Variants in NRXN3 observed in about 807,000 individuals in gnomAD.
The protein encoded by NRXN3 is neurexin III.
A neutral mutation model predicts 137.6 loss-of-function variants in NRXN3; 32 were observed. That is an observed-to-expected ratio of 0.23 (90% CI 0.18 to 0.31). The LOEUF (loss-of-function observed/expected upper bound fraction) is 0.31. Among genes scored for constraint, NRXN3 ranks in the 10% least tolerant of loss-of-function variants. NRXN3 has a pLI of 1.00. For missense variants in NRXN3, 1,574 were observed against 2,062.5 expected (o/e 0.76, Z 4.59); for synonymous variants, 798 against 784.5 (o/e 1.02, Z -0.29).
Position 78,579,474 on chromosome 14 carries a change from G to T in NRXN3, c.758-65646G>T, listed in dbSNP as rs74064314. 4.1e-4 allele frequency among the ~76,000 whole-genome samples: 62 copies of T among 151,988 alleles called. No individual in the cohort carries two copies. In the East Asian group the frequency reaches 0.011, roughly 27 times the overall value. ...TAACTGCTAACCATTGTTTAAGACC[G>T]CAGTGAGATCCACAGGGTAGTCTCA... On this transcript the variant is annotated intron_variant, in intron 4 of 20. Transcript: ENST00000335750.
intron 16 of NRXN3, among the ~76,000 whole-genome samples, chr14:79,593,186 C>T (rs1441947686): frequency 2.6e-5 from 4 of 151,966 alleles, no homozygotes; most frequent in South Asian, 4.1e-4. Context: ...CACTACTGAT[C>T]GCTTATAGTA....
chr14:78,402,172 A>G (rs1272621999), intron 4 of NRXN3, among the ~76,000 whole-genome samples: 3 of 152,234 alleles, frequency 2.0e-5, no homozygotes, highest in Non-Finnish European at 2.9e-5. Context: ...GGTACTTTCT[A>G]TCTGCCCTTG....
At chr14:78,799,305 A>G (rs776618031) in intron 8 of NRXN3, among the ~76,000 whole-genome samples, 3 of 152,178 alleles carry the variant, frequency 2.0e-5, no homozygotes, top group Non-Finnish European at 2.9e-5. Context: ...TCAAAGTTCA[A>G]CAAATCTCTA....
intron 4 of NRXN3, among the ~76,000 whole-genome samples, chr14:78,350,895 C>A (rs2083391012): frequency 6.6e-6 from 1 of 152,112 alleles, no homozygotes; most frequent in Admixed American, 6.5e-5. Context: ...ATAATACAAA[C>A]CCCTAAAACC....
At chr14:78,444,892 C>T (rs984438738) in intron 4 of NRXN3, among the ~76,000 whole-genome samples, 1 of 127,830 alleles carries the variant, frequency 7.8e-6, no homozygotes, top group Non-Finnish European at 1.6e-5. Context: ...GCACTCCAGC[C>T]TGGGCAATAA....
chr14:78,898,735 T>C (rs2152732889), intron 10 of NRXN3, among the ~76,000 whole-genome samples: 1 of 152,084 alleles, frequency 6.6e-6, no homozygotes, highest in South Asian at 2.1e-4. Flanking sequence ...TTATCTTGAT[T>C]GGAAATAACT....
intron 15 of NRXN3, among the ~76,000 whole-genome samples, chr14:79,369,530 T>C (rs192108340): frequency 6.6e-6 from 1 of 152,340 alleles, no homozygotes; most frequent in African/African-American, 2.4e-5. Flanking sequence ...GTGCATGGAA[T>C]GAGACAGAGA....
At chr14:79,766,063 C>T (rs1256765960) in intron 19 of NRXN3, among the ~76,000 whole-genome samples, 1 of 152,056 alleles carries the variant, frequency 6.6e-6, no homozygotes, top group Non-Finnish European at 1.5e-5. Context: ...GGAACATGTT[C>T]TTTGGTTATT....
At chr14:78,223,033 G>A (rs10150943) in intron 1 of NRXN3, among the ~76,000 whole-genome samples, 38,188 of 152,096 alleles carry the variant, frequency 0.25, 4,897 homozygotes, top group East Asian at 0.4. Context: ...AATATTTAGG[G>A]TCCTCTTGAA....
chr14:78,512,639 C>T (rs1243642143), intron 4 of NRXN3, among the ~76,000 whole-genome samples: 1 of 152,110 alleles, frequency 6.6e-6, no homozygotes, highest in Admixed American at 6.5e-5. Context: ...TTGGGACAGG[C>T]CACTAGACAG....
At chr14:79,724,237 T>TCTG (rs970615132) in intron 19 of NRXN3, among the ~76,000 whole-genome samples, 5 of 152,126 alleles carry the variant, frequency 3.3e-5, no homozygotes, top group Non-Finnish European at 5.9e-5. Context: ...GTCCCCACAG[T>TCTG]CTGCCAAAAA....
At chr14:78,934,161 CAAAA>C (rs556509445) in intron 10 of NRXN3, among the ~76,000 whole-genome samples, 1 of 85,686 alleles carries the variant, frequency 1.2e-5, no homozygotes, top group African/African-American at 3.9e-5. Context: ...AAACGACAAC[CAAAA>C]AAAAAAAAAA....
chr14:79,797,823 T>G (rs556087194), intron 19 of NRXN3, among the ~76,000 whole-genome samples: 1 of 152,288 alleles, frequency 6.6e-6, no homozygotes, highest in South Asian at 2.1e-4. Flanking sequence ...CAAGACATAG[T>G]GGCTCATGCC....
intron 15 of NRXN3, among the ~76,000 whole-genome samples, chr14:79,262,445 AAG>A (rs1029407894): frequency 2.0e-5 from 3 of 150,788 alleles, no homozygotes; most frequent in African/African-American, 4.9e-5. Context: ...GAGGAGGAGA[AAG>A]AGGAGGAGGA....
intron 16 of NRXN3, among the ~76,000 whole-genome samples, chr14:79,600,125 G>A (rs937871993): frequency 6.6e-6 from 1 of 152,206 alleles, no homozygotes; most frequent in African/African-American, 2.4e-5. Flanking sequence ...GGACTAAAAG[G>A]TGGAGGAGCT....
At chr14:78,729,915 T>C (rs1285202864) in intron 8 of NRXN3, among the ~76,000 whole-genome samples, 3 of 152,220 alleles carry the variant, frequency 2.0e-5, no homozygotes, top group Non-Finnish European at 2.9e-5. Flanking sequence ...GGATTATTTC[T>C]AAAGTTAACT....
At chr14:78,725,858 A>G (rs2098480697) in intron 8 of NRXN3, among the ~76,000 whole-genome samples, 1 of 152,248 alleles carries the variant, frequency 6.6e-6, no homozygotes, top group East Asian at 1.9e-4. Flanking sequence ...ATGATGTACT[A>G]AATGCTTAGC....
At chr14:78,693,157 A>G (rs1231585953) in intron 6 of NRXN3, among the ~76,000 whole-genome samples, 1 of 152,032 alleles carries the variant, frequency 6.6e-6, no homozygotes, top group African/African-American at 2.4e-5. Context: ...GGCACTTAGT[A>G]TCTAGCCTTC....
chr14:79,291,183 A>T (rs1480849802), intron 15 of NRXN3, among the ~76,000 whole-genome samples: 1 of 152,194 alleles, frequency 6.6e-6, no homozygotes, highest in Admixed American at 6.5e-5. Context: ...AACTTCTTAG[A>T]TAAGTTAAAC....
Sources: gnomAD v4.1 joint callset for allele counts (sites outside exome capture counted in the v4.1 genomes callset) on GRCh38, gnomAD v4.1.1 for gene constraint, MANE v1.5 for transcripts, NCBI Gene and HGNC (gene_info 2026-07-23, HGNC 2026-07-21) for gene names.